SLC24A2: variants seen among roughly 807,000 people sequenced by gnomAD.
SLC24A2 encodes the protein solute carrier family 24 member 2.
Under a neutral mutation model 62.0 loss-of-function variants are expected in SLC24A2, and 36 were observed. The ratio of observed to expected loss-of-function variants is 0.58; its 90% CI spans 0.44 to 0.77. SLC24A2 has a LOEUF of 0.77. Among genes scored for constraint, SLC24A2 ranks in the 30% least tolerant of loss-of-function variants. The pLI is 0.00. For missense variants in SLC24A2, 846 were observed against 817.9 expected (o/e 1.03, Z -0.42); for synonymous variants, 358 against 294.0 (o/e 1.22, Z -2.23).
chr9:20,013,655 C>A, the SLC24A2 span, among the ~76,000 whole-genome samples: 2 of 151,872 alleles, frequency 1.3e-5, no homozygotes, highest in African/African-American at 4.8e-5. Flanking sequence ...AGTTGAATAC[C>A]ATAAGAAAAC....
the SLC24A2 span, among the ~76,000 whole-genome samples, chr9:20,221,840 C>G: frequency 5.1e-4 from 77 of 151,996 alleles, 1 homozygote; most frequent in African/African-American, 1.8e-3. Flanking sequence ...ACTGTATTGA[C>G]AAAATAAAGG....
chr9:19,641,216 T>C (rs1433696728), intron 2 of SLC24A2, among the ~76,000 whole-genome samples: 1 of 152,360 alleles, frequency 6.6e-6, no homozygotes, highest in South Asian at 2.1e-4. Context: ...GTTGTCCCTC[T>C]GCTTTACTGA....
At chr9:19,936,554 G>A in the SLC24A2 span, among the ~76,000 whole-genome samples, 107 of 152,264 alleles carry the variant, frequency 7.0e-4, no homozygotes, top group Non-Finnish European at 1.1e-3. Flanking sequence ...GATTACAGGC[G>A]CTCAGCCTCT....
rs139098709 is a variant in SLC24A2, at chr9:19,713,854, T to G, written c.930+72083A>C. ...AATACTAGATGAATTTATAAGATGC[T>G]GACTTTCTTCTGGAAGAACTGTAAA... On this transcript the variant is annotated intron_variant, in intron 2 of 10. Transcript: ENST00000341998. Among the ~76,000 whole-genome samples the G allele has an allele frequency of 5.1e-3, 784 of 152,304 alleles. 6 individuals carry two copies. The highest frequency in any genetic ancestry group is 0.018 in the African/African-American group (740 of 41,554).
rs1230639518 is a variant in SLC24A2 at position 19,507,959 on chromosome 9, A to G, written c.*8194T>C. On this transcript the variant is annotated 3_prime_UTR_variant, in exon 11 of 11. Transcript: ENST00000341998. ...AAGACAGTTTATATGTTATAGAGCA[A>G]ATGTCTATGTTGGCGTCAACGTTGA... The G allele has an allele frequency of 6.6e-6, 1 of 152,220 alleles. No homozygotes were observed. The highest frequency in any genetic ancestry group is 1.5e-5 in the Non-Finnish European group (1 of 68,042). 9.4% of individuals were successfully genotyped at this position (152,220 alleles called of 1,614,324 possible).
At chr9:20,159,736 G>T in the SLC24A2 span, among the ~76,000 whole-genome samples, 83 of 151,428 alleles carry the variant, frequency 5.5e-4, no homozygotes, top group Non-Finnish European at 8.7e-4. Flanking sequence ...AAGTAAAAAT[G>T]GTGACTAAAG....
At chr9:19,567,074 G>A (rs1031256290) in intron 7 of SLC24A2, among the ~76,000 whole-genome samples, 29 of 150,748 alleles carry the variant, frequency 1.9e-4, no homozygotes, top group African/African-American at 6.6e-4. Flanking sequence ...AAACCTGCAC[G>A]TTGTGCACAT....
chr9:20,196,759 G>T, the SLC24A2 span, among the ~76,000 whole-genome samples: 1 of 152,106 alleles, frequency 6.6e-6, no homozygotes, highest in Non-Finnish European at 1.5e-5. Flanking sequence ...AATTATAAAA[G>T]TAAAGCAAGC....
At chr9:20,201,294 G>C in the SLC24A2 span, among the ~76,000 whole-genome samples, 1 of 152,184 alleles carries the variant, frequency 6.6e-6, no homozygotes, top group South Asian at 2.1e-4. Flanking sequence ...AGAAAGGGAG[G>C]CTTCAACCAG....
At chr9:19,864,378 C>A in the SLC24A2 span, among the ~76,000 whole-genome samples, 5 of 151,136 alleles carry the variant, frequency 3.3e-5, no homozygotes, top group South Asian at 4.2e-4. Flanking sequence ...GAAAAAAAAA[C>A]AACAACAAAA....
intron 7 of SLC24A2, among the ~76,000 whole-genome samples, chr9:19,569,109 G>C (rs1016532295): frequency 1.3e-5 from 2 of 152,114 alleles, no homozygotes; most frequent in Non-Finnish European, 2.9e-5. Context: ...TTGAAACTAA[G>C]GATGGGCAAA....
chr9:19,860,856 G>A, the SLC24A2 span, among the ~76,000 whole-genome samples: 29 of 152,294 alleles, frequency 1.9e-4, no homozygotes, highest in African/African-American at 6.7e-4. Context: ...AGACTTTTCT[G>A]CCTTTGGAAA....
chr9:19,763,072 C>T (rs1353396942), intron 2 of SLC24A2, among the ~76,000 whole-genome samples: 1 of 152,012 alleles, frequency 6.6e-6, no homozygotes, highest in Non-Finnish European at 1.5e-5. Flanking sequence ...ATTTTATTCT[C>T]TTTGTAGCAA....
chr9:19,582,986 C>T (rs1009995177), intron 5 of SLC24A2, among the ~76,000 whole-genome samples: 5 of 152,120 alleles, frequency 3.3e-5, no homozygotes, highest in African/African-American at 7.2e-5. Context: ...CCCTTCTACC[C>T]TCCCCTCTCC....
At chr9:19,636,315 T>TTTCCTTCCTTTCTTTC (rs1554690361) in intron 2 of SLC24A2, among the ~76,000 whole-genome samples, 3 of 40,320 alleles carry the variant, frequency 7.4e-5, no homozygotes, top group African/African-American at 3.5e-4. Context: ...TTTTCTTTTC[T>TTTCCTTCCTTTCTTTC]TTTCTTTCTT....
At chr9:19,893,991 T>G in the SLC24A2 span, among the ~76,000 whole-genome samples, 1 of 152,194 alleles carries the variant, frequency 6.6e-6, no homozygotes, top group African/African-American at 2.4e-5. Flanking sequence ...CAAACACTAC[T>G]TCTACTTGCA....
At chr9:19,997,277 AAGAAAGAGAAAG>A in the SLC24A2 span, among the ~76,000 whole-genome samples, 16 of 152,176 alleles carry the variant, frequency 1.1e-4, no homozygotes, top group Non-Finnish European at 2.1e-4. Flanking sequence ...GGGGCACAGA[AAGAAAGAGAAAG>A]AGAAAGAGAG....
At chr9:20,253,591 C>A in the SLC24A2 span, among the ~76,000 whole-genome samples, 1 of 152,172 alleles carries the variant, frequency 6.6e-6, no homozygotes, top group African/African-American at 2.4e-5. Flanking sequence ...TGTCCAGACC[C>A]TACTCTGAAC....
At chr9:19,518,823 A>G (rs937827169) in intron 10 of SLC24A2, among the ~76,000 whole-genome samples, 1 of 152,220 alleles carries the variant, frequency 6.6e-6, no homozygotes, top group Non-Finnish European at 1.5e-5. Flanking sequence ...ATATATTGCA[A>G]TGACATCACT....
Sources: gnomAD v4.1 joint callset for allele counts (sites outside exome capture counted in the v4.1 genomes callset) on GRCh38, gnomAD v4.1.1 for gene constraint, MANE v1.5 for transcripts, NCBI Gene and HGNC (gene_info 2026-07-23, HGNC 2026-07-21) for gene names.